Variants in CD84 observed in about 807,000 individuals in gnomAD.
CD84 encodes the protein SLAM family member 5.
A neutral mutation model predicts 33.8 loss-of-function variants in CD84; 22 were observed. The observed-to-expected ratio is 0.65, with a 90% CI of 0.46 to 0.93. The LOEUF (loss-of-function observed/expected upper bound fraction) is 0.93, where lower values mean the gene tolerates loss of function less well. Among genes scored for constraint, CD84 ranks in the 40% least tolerant of loss-of-function variants. The pLI is 0.00. For synonymous variants in CD84, 154 were observed against 145.2 expected, an observed-to-expected ratio of 1.06 and a Z score of -0.44; for missense variants, 400 against 397.6, an observed-to-expected ratio of 1.01 and a Z score of -0.05.
In CD84 at chr1:160,544,570, C is replaced by T. The variant is rs1307129745; in HGVS notation, c.*3686G>A. On this transcript the variant is annotated 3_prime_UTR_variant, in exon 7 of 7. Transcript: ENST00000368054. ...AATGAGTCTGGAAGAAAATATAGCCCAGCCATTCCTTCTCTCCAGGCAGGA... is the reference window on the plus strand; with the variant it reads ...AATGAGTCTGGAAGAAAATATAGCCTAGCCATTCCTTCTCTCCAGGCAGGA... 6.6e-6 allele frequency: 1 copy of T among 152,012 alleles called. No individual in the cohort carries two copies. The allele number at this position is 152,012 out of a possible 1,614,324, so 9.4% of individuals were successfully genotyped here.
At position 160,543,142 on chromosome 1, in the gene CD84, G is replaced by A. The variant is rs1037340095; in HGVS notation, c.*5114C>T. 1 of 152,176 alleles carries A rather than the reference G, an allele frequency of 6.6e-6. No individual in the cohort carries two copies. The highest frequency in any genetic ancestry group is 1.5e-5 in the Non-Finnish European group (1 of 68,032). 9.4% of individuals were successfully genotyped at this position (152,176 alleles called of 1,614,324 possible). On this transcript the variant is annotated 3_prime_UTR_variant, in exon 7 of 7. Transcript: ENST00000368054. ...TGGGCATTTTCAGCAGGAAAGTTGAGTGGTTATCCAGATAGCAATGGAATT... is the reference window on the plus strand; with the variant it reads ...TGGGCATTTTCAGCAGGAAAGTTGAATGGTTATCCAGATAGCAATGGAATT...
chr1:160,550,930 CA>C lies in CD84; in HGVS notation c.858+7del. Reference sequence around the variant, plus strand: ...GCACAGGGGTGTCCATGAATTGCATCAGCTCACCTTGGACTGCAGGATTTCA... The same window carrying C: ...GCACAGGGGTGTCCATGAATTGCATCGCTCACCTTGGACTGCAGGATTTCA... On this transcript the variant is annotated splice_region_variant and intron_variant, in intron 5 of 6. Transcript: ENST00000368054. 1 of 1,612,534 alleles carries C rather than the reference CA, an allele frequency of 6.2e-7. No individual in the cohort carries two copies. Among genetic ancestry groups the C allele is most frequent in the Non-Finnish European group, 8.5e-7 (1 of 1,178,572 alleles).
chr1:160,554,749 A>T (rs74124863), intron 2 of CD84, among the ~76,000 whole-genome samples: 7,568 of 152,244 alleles, frequency 0.05, 641 homozygotes, highest in African/African-American at 0.17. Flanking sequence ...CTGAAATGAA[A>T]ATATCAACCG....
chr1:160,571,515 C>G (rs991093694), intron 1 of CD84: 1 of 152,004 alleles, frequency 6.6e-6, no homozygotes, highest in Non-Finnish European at 1.5e-5. Flanking sequence ...TAAGACAACT[C>G]GATGGAAGGC....
Position 160,565,443 on chromosome 1 carries a change from G to C in CD84, c.349C>G (p.Pro117Ala), listed in dbSNP as rs769173621. Reference sequence around the variant, plus strand: ...TTGTAGCGCTTGGTGGTGGTGTAGGGATCAGCCTGTGTATTTATGTCTGCT... The same window carrying C: ...TTGTAGCGCTTGGTGGTGGTGTAGGCATCAGCCTGTGTATTTATGTCTGCT... ...YKADINTQADPYTTTKRYNLQ... is the reference protein window; with the variant it reads ...YKADINTQADAYTTTKRYNLQ... Residue 117 changes from proline to alanine, a missense_variant, in exon 2 of 7, where the codon CCC becomes GCC. Transcript: ENST00000368054. 13 of 1,613,404 alleles carry C rather than the reference G, an allele frequency of 8.1e-6. No homozygotes were observed. In the South Asian group the frequency reaches 1.4e-4, roughly 18 times the overall value.
chr1:160,551,522 G>A (rs1656220626), intron 4 of CD84: 1 of 164,164 alleles, frequency 6.1e-6, no homozygotes, highest in Admixed American at 6.4e-5. Context: ...TTTATTGCTT[G>A]TTTGATTGAT....
At position 160,548,162 on chromosome 1, in the gene CD84, A is replaced by G; in HGVS notation, c.*94T>C. On this transcript the variant is annotated 3_prime_UTR_variant, in exon 7 of 7. Coordinates refer to ENST00000368054, the MANE Select transcript of CD84 (RefSeq NM_003874.4). ...GAGATGTGGCAGTTTGCAATCTCCCAGTAAGAGTTGGGCAGAGAAGATCTG... is the reference window on the plus strand; with the variant it reads ...GAGATGTGGCAGTTTGCAATCTCCCGGTAAGAGTTGGGCAGAGAAGATCTG... The G allele has an allele frequency of 7.6e-7, 1 of 1,323,734 alleles. No individual in the cohort carries two copies. Among genetic ancestry groups the G allele is most frequent in the Non-Finnish European group, 1.1e-6 (1 of 923,632 alleles). 82.0% of individuals were successfully genotyped at this position (1,323,734 alleles called of 1,614,324 possible). A position where few individuals can be genotyped will look rare whatever the true frequency, so the allele number is the denominator to read the frequency against.
rs1384622477 is a variant in CD84 at position 160,548,378 on chromosome 1, C to G, written c.922-57G>C. ...ACTGAGAGGTGCTGCTGGGGAACTCCAGTCCTGCAAGTTCCCAGAGGAGTT... is the reference window on the plus strand; with the variant it reads ...ACTGAGAGGTGCTGCTGGGGAACTCGAGTCCTGCAAGTTCCCAGAGGAGTT... On this transcript the variant is annotated intron_variant, in intron 6 of 6. Transcript: ENST00000368054. The G allele has an allele frequency of 1.3e-5, 20 of 1,580,456 alleles. No homozygotes were observed. The African/African-American group carries it at 2.4e-4, about 19-fold the overall frequency.
chr1:160,568,408 C>A (rs903601649), intron 1 of CD84, among the ~76,000 whole-genome samples: 1 of 151,998 alleles, frequency 6.6e-6, no homozygotes. Context: ...GTGTTGTTGG[C>A]AAGAATACTT....
intron 2 of CD84, among the ~76,000 whole-genome samples, chr1:160,562,400 A>G (rs1657037912): frequency 6.6e-6 from 1 of 152,166 alleles, no homozygotes; most frequent in South Asian, 2.1e-4. Flanking sequence ...GGAACAGAAT[A>G]AAGAACTCAA....
At chr1:160,566,126 C>T (rs1382512703) in intron 1 of CD84, among the ~76,000 whole-genome samples, 3 of 152,170 alleles carry the variant, frequency 2.0e-5, no homozygotes, top group African/African-American at 7.2e-5. Flanking sequence ...AGAGCTAGAA[C>T]AAGAACCTGG....
At chr1:160,576,015 A>G (rs1657976488) in intron 1 of CD84, among the ~76,000 whole-genome samples, 2 of 152,228 alleles carry the variant, frequency 1.3e-5, no homozygotes, top group South Asian at 4.1e-4. Context: ...TTCCATTTCT[A>G]TAACTGGATT....
chr1:160,557,845 G>A (rs1223237566), intron 2 of CD84, among the ~76,000 whole-genome samples: 1 of 152,162 alleles, frequency 6.6e-6, no homozygotes, highest in Admixed American at 6.5e-5. Context: ...AAATGATCTG[G>A]AGGAGGAAGG....
intron 2 of CD84, among the ~76,000 whole-genome samples, chr1:160,564,735 G>A (rs1422065571): frequency 6.6e-6 from 1 of 152,170 alleles, no homozygotes; most frequent in Non-Finnish European, 1.5e-5. Context: ...GAACAAACTG[G>A]TTGTTTTTCA....
chr1:160,553,769 C>A (rs1249902744), intron 3 of CD84, 126 bp downstream of exon 3: 2 of 1,435,912 alleles, frequency 1.4e-6, no homozygotes, highest in Non-Finnish European at 9.5e-7. Flanking sequence ...GGAGGTGATG[C>A]CCTCAGTGAC....
chr1:160,543,035 A>C lies in CD84; in HGVS notation c.*5221T>G, dbSNP rs1655622274. 1 of 151,996 alleles carries C rather than the reference A, an allele frequency of 6.6e-6. No homozygotes were observed. Among genetic ancestry groups the C allele is most frequent in the African/African-American group, 2.4e-5 (1 of 41,334 alleles). The allele number at this position is 151,996 out of a possible 1,614,324, so 9.4% of individuals were successfully genotyped here. On this transcript the variant is annotated 3_prime_UTR_variant, in exon 7 of 7. Transcript: ENST00000368054. ...TTACAGTTTCTCTTATTTTATATTAACTCATCAGAATGTTTATGACCTGAA... is the reference window on the plus strand; with the variant it reads ...TTACAGTTTCTCTTATTTTATATTACCTCATCAGAATGTTTATGACCTGAA...
At chr1:160,567,102 C>G (rs1355827050) in intron 1 of CD84, among the ~76,000 whole-genome samples, 1 of 152,160 alleles carries the variant, frequency 6.6e-6, no homozygotes, top group Admixed American at 6.5e-5. Context: ...CATAAACAAA[C>G]TAGTTGAGCG....
chr1:160,569,159 A>T (rs1657522075), intron 1 of CD84, among the ~76,000 whole-genome samples: 1 of 152,228 alleles, frequency 6.6e-6, no homozygotes, highest in Non-Finnish European at 1.5e-5. Flanking sequence ...GGCGTTGGTG[A>T]TGCCGGGGCC....
Position 160,565,726 on chromosome 1 carries a change from T to C in CD84, c.66A>G (p.Lys22=). ...CLQTWPEAAG[K]DSEIFTVNGI... is the part of the protein sequence containing the mutation. ...CATTCACTGTGAAGATTTCTGAGTCTTTTCCAGCTGCTTCCGGCCCTGAGA... is the reference window on the plus strand; with the variant it reads ...CATTCACTGTGAAGATTTCTGAGTCCTTTCCAGCTGCTTCCGGCCCTGAGA... The change falls in exon 2 of 7, where the codon AAA becomes AAG. Residue 22 remains lysine, a synonymous_variant. Coordinates refer to ENST00000368054, the MANE Select transcript of CD84 (RefSeq NM_003874.4). 1.2e-6 allele frequency: 2 copies of C among 1,608,710 alleles called. No individual in the cohort carries two copies. The highest frequency in any genetic ancestry group is 1.1e-5 in the South Asian group (1 of 90,462).
Sources: gnomAD v4.1 joint callset for allele counts (sites outside exome capture counted in the v4.1 genomes callset) on GRCh38, gnomAD v4.1.1 for gene constraint, MANE v1.5 for transcripts, NCBI Gene and HGNC (gene_info 2026-07-23, HGNC 2026-07-21) for gene names.